Variants in DNMT3B observed in about 807,000 individuals in gnomAD.
DNMT3B encodes the protein DNA (cytosine-5)-methyltransferase 3B.
DNMT3B carries 37 observed loss-of-function variants against 120.2 expected under a neutral mutation model. The observed-to-expected ratio is 0.31, with a 90% CI of 0.24 to 0.40. The LOEUF is 0.40. Among genes scored for constraint, DNMT3B ranks in the 10% least tolerant of loss-of-function variants. The pLI is 1.00. For missense variants in DNMT3B, 878 were observed against 1,137.3 expected (o/e 0.77, Z 3.28); for synonymous variants, 412 against 442.8 (o/e 0.93, Z 0.87).
At chr20:32,806,107 G>T (rs897534294) in intron 21 of DNMT3B, 102 bp from the exon 22 acceptor site, 2 of 1,074,092 alleles carry the variant, frequency 1.9e-6, no homozygotes, top group East Asian at 4.7e-5. Context: ...CTCTTCTGCC[G>T]CACCTGCGCT....
At chr20:32,799,781 C>T (rs1981093303) in intron 16 of DNMT3B, among the ~76,000 whole-genome samples, 1 of 152,164 alleles carries the variant, frequency 6.6e-6, no homozygotes, top group Non-Finnish European at 1.5e-5. Context: ...GCATCCCAAA[C>T]CGCTGGGATT....
In DNMT3B at chr20:32,788,900, AGGGCTTCTCCT is replaced by A; in HGVS notation, c.704_714del (p.Gly235ValfsTer50). 6.2e-7 allele frequency: 1 copy of A among 1,613,594 alleles called. No homozygotes were observed. Among genetic ancestry groups the A allele is most frequent in the Non-Finnish European group, 8.5e-7 (1 of 1,179,870 alleles). On this transcript the variant is annotated frameshift_variant, in exon 7 of 23. Transcript: ENST00000328111. LOFTEE classifies it high-confidence loss of function. ...GGGGACCTCGTGTGGGGAAAGATCAAGGGCTTCTCCTGGTGGCCCGCCATGGTGGTGTCTTG... is the reference window on the plus strand; with the variant it reads ...GGGGACCTCGTGTGGGGAAAGATCAAGGTGGCCCGCCATGGTGGTGTCTTG...
In DNMT3B at chr20:32,781,519, G is replaced by T. The variant is rs1978626109; in HGVS notation, c.204+105G>T. On this transcript the variant is annotated intron_variant, in intron 3 of 22. Coordinates refer to ENST00000328111, the MANE Select transcript of DNMT3B (RefSeq NM_006892.4). ...AAAAACTGGCATCTGCAAATGTATG[G>T]AGGGTTGCCGAGCTAGATGCTTTCT... 5.0e-6 allele frequency: 6 copies of T among 1,189,806 alleles called. No individual in the cohort carries two copies. In the Admixed American group the frequency reaches 1.0e-4, roughly 21 times the overall value. 73.7% of individuals were successfully genotyped at this position (1,189,806 alleles called of 1,614,324 possible).
chr20:32,801,221 G>T, intron 18 of DNMT3B, 57 bp from the exon 19 acceptor site: 1 of 1,613,324 alleles, frequency 6.2e-7, no homozygotes, highest in East Asian at 2.2e-5. Context: ...AGGGAATAAG[G>T]TGGGTTGGGC....
chr20:32,805,301 T>A (rs200007557), intron 20 of DNMT3B, 37 bp from the exon 21 acceptor site: 2 of 1,613,830 alleles, frequency 1.2e-6, no homozygotes, highest in Non-Finnish European at 8.5e-7. Flanking sequence ...GGACCCTCTA[T>A]AGCTAGTAAG....
At chr20:32,784,924 CTACA>C in intron 4 of DNMT3B, 65 bp downstream of exon 4, 1 of 1,494,802 alleles carries the variant, frequency 6.7e-7, no homozygotes, top group Non-Finnish European at 9.3e-7. Flanking sequence ...ACATAGCATG[CTACA>C]TACATAGCAT....
At chr20:32,764,999 G>T (rs1394567636) in intron 1 of DNMT3B, among the ~76,000 whole-genome samples, 1 of 152,216 alleles carries the variant, frequency 6.6e-6, no homozygotes, top group African/African-American at 2.4e-5. Flanking sequence ...GTTCTTCAAG[G>T]AAAACTTACC....
rs1461904215 is a variant in DNMT3B at position 32,787,407 on chromosome 20, C to A, written c.610C>A (p.Gln204Lys). The change falls in exon 6 of 23, where the codon CAG becomes AAG. Residue 204 changes from glutamine (Q) to lysine (K), a missense_variant. Coordinates refer to ENST00000328111, the MANE Select transcript of DNMT3B (RefSeq NM_006892.4). ...CCAGCAGGGGGGCATGGAGTCCCCG[C>A]AGGTGGAGGCAGACAGTGGAGATGG... ...DSQQGGMESP[Q>K]VEADSGDGDS... 6.2e-7 allele frequency: 1 copy of A among 1,614,230 alleles called. No homozygotes were observed. Among genetic ancestry groups the A allele is most frequent in the South Asian group, 1.1e-5 (1 of 91,088 alleles).
chr20:32,771,584 C>T (rs1192925443), intron 1 of DNMT3B, among the ~76,000 whole-genome samples: 1 of 135,384 alleles, frequency 7.4e-6, no homozygotes, highest in Non-Finnish European at 1.5e-5. Flanking sequence ...TACAGTGACC[C>T]GAGATCATGC....
chr20:32,769,667 G>T lies in DNMT3B; in HGVS notation c.-7+6968G>T, dbSNP rs77324920. ...TCCCTTATCTGCAGGCCTTAATTTT[G>T]ACATTTCTGTTTTCCTTCTCGAGAT... On this transcript the variant is annotated intron_variant, in intron 1 of 22. Coordinates refer to ENST00000328111, the MANE Select transcript of DNMT3B (RefSeq NM_006892.4). Among the ~76,000 whole-genome samples, 938 of 152,178 alleles carry T rather than the reference G, an allele frequency of 6.2e-3. 8 individuals are homozygous for T. The highest frequency in any genetic ancestry group is 0.032 in the East Asian group (167 of 5,178).
Position 32,780,075 on chromosome 20 carries a change from C to A in DNMT3B, c.-6-243C>A, listed in dbSNP as rs189183505. The A allele has an allele frequency of 1.4e-5, 23 of 1,609,718 alleles. No homozygotes were observed. In the Admixed American group the frequency reaches 1.5e-4, roughly 11 times the overall value. ...CCCAGCCCTGGCCTCCCCACTCTGT[C>A]CTGGGTGCTGGCGTCTGAGCCTTCG... On this transcript the variant is annotated intron_variant, in intron 1 of 22. Transcript: ENST00000328111.
Position 32,787,379 on chromosome 20 carries a change from C to T in DNMT3B, c.582C>T (p.Asp194=). ...SSTPYARLAQ[D]SQQGGMESPQ... is the part of the protein sequence containing the mutation. The stretch of plus-strand genomic sequence containing the variant: ...CCCCCTACGCCCGCCTAGCCCAGGA[C>T]AGCCAGCAGGGGGGCATGGAGTCCC... Residue 194 remains aspartate, a synonymous_variant, in exon 6 of 23, where the codon GAC becomes GAT. Coordinates refer to ENST00000328111, the MANE Select transcript of DNMT3B (RefSeq NM_006892.4). The T allele has an allele frequency of 6.2e-7, 1 of 1,614,244 alleles. No homozygotes were observed. The highest frequency in any genetic ancestry group is 8.5e-7 in the Non-Finnish European group (1 of 1,180,044).
In DNMT3B at chr20:32,788,963, T is replaced by C. The variant is rs1979649244; in HGVS notation, c.764T>C (p.Met255Thr). The C allele has an allele frequency of 6.2e-7, 1 of 1,614,210 alleles. No homozygotes were observed. Among genetic ancestry groups the C allele is most frequent in the African/African-American group, 1.3e-5 (1 of 75,058 alleles). Residue 255 changes from methionine to threonine, a missense_variant, in exon 7 of 23, where the codon ATG becomes ACG. Physicochemically the swap from Met to Thr is moderately conservative, Grantham distance 81. This residue lies in a region of DNMT3B where 50 missense variants were observed against 89.7 expected (regional missense o/e 0.56). Transcript: ENST00000328111. Reference sequence around the variant, plus strand: ...AAGGCCACCTCCAAGCGACAGGCTATGTCTGGCATGCGGTGGGTCCAGTGG... The same window carrying C: ...AAGGCCACCTCCAAGCGACAGGCTACGTCTGGCATGCGGTGGGTCCAGTGG... ...SWKATSKRQA[M>T]SGMRWVQWFG...
At position 32,762,561 on chromosome 20, in the gene DNMT3B, C is replaced by T; in HGVS notation, c.-145C>T. 8.5e-6 allele frequency: 3 copies of T among 354,298 alleles called. No homozygotes were observed. The highest frequency in any genetic ancestry group is 2.1e-5 in the South Asian group (1 of 47,688). 21.9% of individuals were successfully genotyped at this position (354,298 alleles called of 1,614,324 possible). ...GGCCGGCAGCGCTGGGGTTAAGTGG[C>T]CCAAGTAAACCTAGCTCGGCGATCG... On this transcript the variant is annotated 5_prime_UTR_variant, in exon 1 of 23. Transcript: ENST00000328111.
At chr20:32,797,330 G>C in intron 14 of DNMT3B, 31 bp downstream of exon 14, 1 of 1,606,292 alleles carries the variant, frequency 6.2e-7, no homozygotes, top group Non-Finnish European at 8.5e-7. Context: ...GGTGGATGTG[G>C]GTGGGCCCCC....
In DNMT3B at chr20:32,797,223, G is replaced by A. The variant is rs767639124; in HGVS notation, c.1414G>A (p.Asp472Asn). ...FLELFYMYDDDGYQSYCTVCC... is the reference protein window; with the variant it reads ...FLELFYMYDDNGYQSYCTVCC... ...TGAGCTGTTTTACATGTATGATGAC[G>A]ATGGCTATCAGTCTTACTGCACTGT... The change falls in exon 14 of 23, where the codon GAT (aspartate) becomes AAT (asparagine). Residue 472 changes from aspartate to asparagine, a missense_variant. By Grantham distance (23) the Asp-to-Asn change is conservative. This residue lies in a region of DNMT3B where 334 missense variants were observed against 518.8 expected (regional missense o/e 0.64). Coordinates refer to ENST00000328111, the MANE Select transcript of DNMT3B (RefSeq NM_006892.4). The A allele has an allele frequency of 1.2e-6, 2 of 1,614,138 alleles. No individual in the cohort carries two copies. The highest frequency in any genetic ancestry group is 1.7e-6 in the Non-Finnish European group (2 of 1,180,046).
chr20:32,804,607 C>T (rs1260279780), intron 20 of DNMT3B, among the ~76,000 whole-genome samples: 2 of 152,054 alleles, frequency 1.3e-5, no homozygotes, highest in Admixed American at 1.3e-4. Context: ...TAGCCCTTGC[C>T]CTTCTTAGTC....
intron 2 of DNMT3B, 124 bp from the exon 3 acceptor site, chr20:32,781,229 G>C (rs1978585023): frequency 6.4e-6 from 6 of 933,850 alleles, no homozygotes; most frequent in Non-Finnish European, 8.6e-6. Context: ...GCAAATCCCT[G>C]TGGCTGACAA....
In DNMT3B at chr20:32,786,612, G is replaced by A; in HGVS notation, c.417G>A (p.Glu139=). The part of the protein sequence containing the change: ...GRNHVDESPV[E]FPATRSLRRR... ...ACCATGTGGACGAGTCCCCCGTGGA[G>A]TTCCCGGCTACCAGGGTTGGTTCCC... The change falls in exon 5 of 23, where the codon GAG becomes GAA. Residue 139 remains glutamate, a synonymous_variant. Transcript: ENST00000328111. 6.2e-7 allele frequency: 1 copy of A among 1,613,918 alleles called. No homozygotes were observed. The highest frequency in any genetic ancestry group is 8.5e-7 in the Non-Finnish European group (1 of 1,180,050).
Sources: allele counts gnomAD v4.1 joint callset (sites outside exome capture counted in the v4.1 genomes callset), GRCh38; gene constraint gnomAD v4.1.1; regional missense constraint gnomAD v4.1.1; transcripts MANE v1.5; gene names NCBI Gene and HGNC (gene_info 2026-07-23, HGNC 2026-07-21).